The following RNF216 variants were observed in gnomAD, a reference collection of about 807,000 sequenced individuals.
RNF216 encodes E3 ubiquitin-protein ligase RNF216.
A neutral mutation model predicts 110.8 loss-of-function variants in RNF216; 72 were observed. The observed-to-expected ratio is 0.65, with a 90% CI of 0.54 to 0.79. RNF216 has a LOEUF of 0.79. RNF216 is among the 30% of genes least tolerant of loss of function. The pLI is 0.00. For missense variants in RNF216, 1,342 were observed against 1,141.2 expected (o/e 1.18, Z -2.54); for synonymous variants, 495 against 407.5 (o/e 1.21, Z -2.59).
At chr7:5,653,037 C>T (rs1788493820) in intron 13 of RNF216, among the ~76,000 whole-genome samples, 1 of 152,154 alleles carries the variant, frequency 6.6e-6, no homozygotes, top group African/African-American at 2.4e-5. Context: ...TCTCGTTAAT[C>T]TCTGCAAAAT....
chr7:5,678,696 C>T (rs527313120), intron 13 of RNF216, among the ~76,000 whole-genome samples: 14 of 152,358 alleles, frequency 9.2e-5, no homozygotes, highest in Non-Finnish European at 1.5e-4. Context: ...CCTGGGCCTG[C>T]TACCCTCCAA....
At chr7:5,754,119 G>GGT (rs10543449) in intron 2 of RNF216, among the ~76,000 whole-genome samples, 3,636 of 142,012 alleles carry the variant, frequency 0.026, 43 homozygotes, top group Middle Eastern at 0.052. Flanking sequence ...TCTTTTGTGT[G>GGT]GTGTGTGTGT....
At chr7:5,710,654 A>G (rs1792621212) in intron 13 of RNF216, among the ~76,000 whole-genome samples, 2 of 152,112 alleles carry the variant, frequency 1.3e-5, no homozygotes, top group South Asian at 4.1e-4. Context: ...TCAGCTTATG[A>G]GCCTCCTTCA....
chr7:5,735,657 T>A (rs959219937), intron 5 of RNF216, among the ~76,000 whole-genome samples: 20 of 152,072 alleles, frequency 1.3e-4, no homozygotes, highest in African/African-American at 4.6e-4. Flanking sequence ...CTTAGAGACA[T>A]GGAGATTGTG....
chr7:5,684,619 G>A (rs1034285463), intron 13 of RNF216, among the ~76,000 whole-genome samples: 2 of 152,160 alleles, frequency 1.3e-5, no homozygotes, highest in Non-Finnish European at 2.9e-5. Context: ...ATGTAGCCAC[G>A]TAGCTTTCCC....
chr7:5,688,133 C>T (rs1791102775), intron 13 of RNF216, among the ~76,000 whole-genome samples: 1 of 152,226 alleles, frequency 6.6e-6, no homozygotes, highest in Non-Finnish European at 1.5e-5. Context: ...CCACAGTTGG[C>T]TGGTGGGGAC....
intron 13 of RNF216, among the ~76,000 whole-genome samples, chr7:5,671,805 CAAAAAAAAA>C (rs11319565): frequency 3.7e-5 from 2 of 54,242 alleles, no homozygotes; most frequent in East Asian, 5.2e-4. Context: ...AACTCCGTCT[CAAAAAAAAA>C]AAAAAAAAAA....
chr7:5,740,969 T>G lies in RNF216; in HGVS notation c.1044+4A>C. The G allele has an allele frequency of 1.3e-6, 2 of 1,584,588 alleles. No homozygotes were observed. Among genetic ancestry groups the G allele is most frequent in the Non-Finnish European group, 1.7e-6 (2 of 1,169,460 alleles). ...CTACATTTACTTGATAAAATAAAAC[T>G]TACCGTTTCTTTCACTAGTAGTTCA... On this transcript the variant is annotated splice_donor_region_variant and intron_variant, in intron 4 of 16. Coordinates refer to ENST00000389902, the MANE Select transcript of RNF216 (RefSeq NM_207111.4).
intron 15 of RNF216, among the ~76,000 whole-genome samples, chr7:5,626,903 G>T (rs1026904510): frequency 2.6e-5 from 4 of 151,798 alleles, no homozygotes; most frequent in Non-Finnish European, 5.9e-5. Flanking sequence ...AAAATGACAG[G>T]TAGAGAAGTT....
chr7:5,763,320 A>C (rs899787517), intron 1 of RNF216, among the ~76,000 whole-genome samples: 1 of 152,170 alleles, frequency 6.6e-6, no homozygotes, highest in African/African-American at 2.4e-5. Context: ...ATTTTATTTT[A>C]ATTATATATC....
At chr7:5,685,054 C>T (rs1311223125) in intron 13 of RNF216, among the ~76,000 whole-genome samples, 5 of 152,132 alleles carry the variant, frequency 3.3e-5, no homozygotes, top group Non-Finnish European at 7.3e-5. Flanking sequence ...GTGAGCCACG[C>T]TCTGGATGAA....
intron 14 of RNF216, 23 bp downstream of exon 14, chr7:5,652,390 C>T (rs892459759): frequency 3.3e-6 from 5 of 1,523,782 alleles, no homozygotes; most frequent in Admixed American, 1.7e-5. Flanking sequence ...CAGCCCATAG[C>T]CCCTCTGAAT....
intron 15 of RNF216, among the ~76,000 whole-genome samples, chr7:5,632,197 T>G (rs1787115683): frequency 6.6e-6 from 1 of 152,184 alleles, no homozygotes; most frequent in Non-Finnish European, 1.5e-5. Context: ...CCCTGGCCAG[T>G]GGGGGCAGGA....
At chr7:5,740,099 A>C (rs200997201) in intron 4 of RNF216, among the ~76,000 whole-genome samples, 130 of 146,000 alleles carry the variant, frequency 8.9e-4, no homozygotes, top group Middle Eastern at 3.5e-3. Flanking sequence ...TACCAGATGT[A>C]ACACCTTTTT....
intron 13 of RNF216, among the ~76,000 whole-genome samples, chr7:5,658,711 A>G (rs1788905581): frequency 6.6e-6 from 1 of 151,884 alleles, no homozygotes; most frequent in African/African-American, 2.4e-5. Flanking sequence ...AGTATATTTT[A>G]AAGTATGATT....
rs200769983 is a variant in RNF216, at chr7:5,712,848, T to A, written c.1849A>T (p.Met617Leu). ...AACGAACACGTGCAGCTGCCTTCCA[T>A]GCAGCTGAGCTCCAACTAGAAAAAG... ...FGSGKLELSCMEGSCTCSFPT... is the reference protein window; with the variant it reads ...FGSGKLELSCLEGSCTCSFPT... The change falls in exon 12 of 17, where the codon ATG becomes TTG. Residue 617 changes from methionine (M) to leucine (L), a missense_variant. Coordinates refer to ENST00000389902, the MANE Select transcript of RNF216 (RefSeq NM_207111.4). 3.7e-6 allele frequency: 6 copies of A among 1,612,874 alleles called. No homozygotes were observed. Among genetic ancestry groups the A allele is most frequent in the Non-Finnish European group, 5.1e-6 (6 of 1,179,474 alleles).
intron 13 of RNF216, chr7:5,666,590 T>C (rs1789541812): frequency 6.6e-6 from 1 of 152,202 alleles, no homozygotes; most frequent in African/African-American, 2.4e-5. Flanking sequence ...TGCATGAGGT[T>C]GATTCCCAAA....
chr7:5,638,681 A>G (rs756009628), intron 15 of RNF216, among the ~76,000 whole-genome samples: 45 of 143,522 alleles, frequency 3.1e-4, no homozygotes, highest in Non-Finnish European at 2.5e-4. Flanking sequence ...TCTGTCACCC[A>G]GGCTACAGTG....
In RNF216 at chr7:5,752,968, G is replaced by C; in HGVS notation, c.79C>G (p.Leu27Val). ...GATATGGTGATGGGCCCATCTCGGA[G>C]ATTGATCCACTCTACAGGAAAGCAG... Reference protein sequence around the residue: ...HCHRGQEWINLRDGPITISDS... With the variant: ...HCHRGQEWINVRDGPITISDS... The change falls in exon 3 of 17, where the codon CTC becomes GTC. Residue 27 changes from leucine (L) to valine (V), a missense_variant. By Grantham distance (32) the Leu-to-Val change is conservative. Transcript: ENST00000389902. The C allele has an allele frequency of 6.2e-7, 1 of 1,610,956 alleles. No homozygotes were observed.
Sources: allele counts gnomAD v4.1 joint callset (sites outside exome capture counted in the v4.1 genomes callset), GRCh38; gene constraint gnomAD v4.1.1; transcripts MANE v1.5; gene names NCBI Gene and HGNC (gene_info 2026-07-23, HGNC 2026-07-21).